Variants in RIPOR2 observed in about 807,000 individuals in gnomAD.
RIPOR2 encodes rho family-interacting cell polarization regulator 2.
RIPOR2 carries 39 observed loss-of-function variants against 114.5 expected under a neutral mutation model. The ratio of observed to expected loss-of-function variants is 0.34; its 90% CI spans 0.26 to 0.44. RIPOR2 has a LOEUF of 0.44. Among genes scored for constraint, RIPOR2 ranks in the 20% least tolerant of loss-of-function variants. The probability of loss-of-function intolerance (pLI) is 1.00; values close to 1 mark genes in which losing one functional copy is unlikely to be tolerated. For synonymous variants in RIPOR2, 445 were observed against 484.4 expected (o/e 0.92, Z 1.07); for missense variants, 1,007 against 1,255.1 (o/e 0.80, Z 2.99).
chr6:24,969,420 G>A (rs1040867892), intron 1 of RIPOR2, among the ~76,000 whole-genome samples: 2 of 152,166 alleles, frequency 1.3e-5, no homozygotes, highest in African/African-American at 4.8e-5. Context: ...AGGGAGCTGG[G>A]ATCTAAAACA....
At chr6:24,936,706 T>C (rs755417412), upstream of RIPOR2, among the ~76,000 whole-genome samples, 47 of 152,314 alleles carry the variant, frequency 3.1e-4, no homozygotes, top group Middle Eastern at 6.8e-3. Flanking sequence ...GCGAGCACCA[T>C]TGGCTGGCAT....
intron 1 of RIPOR2, among the ~76,000 whole-genome samples, chr6:24,935,351 C>T (rs986772604): frequency 4.3e-5 from 6 of 141,098 alleles, no homozygotes; most frequent in Non-Finnish European, 7.8e-5. Flanking sequence ...AGAGAAGGAC[C>T]GAGAGAAAGA....
chr6:24,964,642 G>C (rs389397), intron 1 of RIPOR2, among the ~76,000 whole-genome samples: 125,332 of 152,154 alleles, frequency 0.82, 54,377 homozygotes, highest in East Asian at 0.96. Context: ...GTTAATTTCT[G>C]TATCATAAGG....
chr6:25,027,076 A>G (rs1776659973), intron 1 of RIPOR2, among the ~76,000 whole-genome samples: 1 of 152,230 alleles, frequency 6.6e-6, no homozygotes, highest in African/African-American at 2.4e-5. Flanking sequence ...AGCTGTTCCA[A>G]TTTCCAAATA....
intron 1 of RIPOR2, among the ~76,000 whole-genome samples, chr6:24,951,141 C>G (rs1772731075): frequency 6.6e-6 from 1 of 152,148 alleles, no homozygotes; most frequent in Non-Finnish European, 1.5e-5. Context: ...AGAATGACAC[C>G]TGAGAGAGTA....
chr6:24,839,358 C>CT lies in RIPOR2; in HGVS notation c.1858-87dup, dbSNP rs138858451. ...ACGATGCTCAATTGGAGATGCCACA[C>CT]TTTTTTTTTTGTTTCAAGTTTTTAT... On this transcript the variant is annotated intron_variant, in intron 13 of 21. Coordinates refer to ENST00000643898, the MANE Select transcript of RIPOR2 (RefSeq NM_001286445.3). 9.9e-3 allele frequency: 12,358 copies of CT among 1,247,796 alleles called. 183 individuals carry two copies. The highest frequency in any genetic ancestry group is 0.09 in the African/African-American group (5,849 of 64,810). 77.3% of individuals were successfully genotyped at this position (1,247,796 alleles called of 1,614,324 possible).
At chr6:24,878,682 A>AG (rs778038648) in intron 1 of RIPOR2, among the ~76,000 whole-genome samples, 7 of 152,070 alleles carry the variant, frequency 4.6e-5, no homozygotes, top group Non-Finnish European at 1.0e-4. Context: ...GGGTATGGGG[A>AG]GGGTTGTAAA....
At chr6:24,845,097 C>T (rs116178479) in intron 12 of RIPOR2, among the ~76,000 whole-genome samples, 18 of 151,938 alleles carry the variant, frequency 1.2e-4, no homozygotes, top group East Asian at 5.8e-4. Context: ...AACCACAGGA[C>T]GAGTGAAATG....
chr6:25,020,507 C>T (rs925350777), intron 1 of RIPOR2, among the ~76,000 whole-genome samples: 1 of 152,304 alleles, frequency 6.6e-6, no homozygotes, highest in Admixed American at 6.5e-5. Context: ...AGAGCATCAA[C>T]ATAGATTAAG....
At chr6:24,830,405 C>T in intron 17 of RIPOR2, 104 bp downstream of exon 17, 1 of 880,676 alleles carries the variant, frequency 1.1e-6, no homozygotes, top group South Asian at 1.7e-5. Flanking sequence ...GTGTGTTTCC[C>T]ATCTGCAGGC....
rs868007632 is a variant in RIPOR2 at position 24,843,360 on chromosome 6, C to T, written c.1359G>A (p.Gln453=). ...AEFNLSSLAS[Q]NEGMDDTSSA... ...AGCTGGTGTCATCCATACCCTCATT[C>T]TGGGAGGCCAAGCTGCTGAGGTTAA... The change falls in exon 13 of 22, where the codon CAG becomes CAA. Residue 453 remains glutamine, a synonymous_variant. Transcript: ENST00000643898. 3 of 1,613,894 alleles carry T rather than the reference C, an allele frequency of 1.9e-6. No homozygotes were observed. The Middle Eastern group carries it at 5.0e-4, about 266-fold the overall frequency.
rs1761087560 is a variant in RIPOR2, at chr6:24,836,142, GA to G, written c.2040-272del. On this transcript the variant is annotated intron_variant, in intron 14 of 21. Transcript: ENST00000643898. ...ACCACTTATGAAGTAGTTTCACCCA[GA>G]AGTCTTTGAAACATGCCCTCATTTT... The G allele has an allele frequency of 1.2e-5, 5 of 407,220 alleles. No individual in the cohort carries two copies. The Admixed American group carries it at 1.8e-4, about 15-fold the overall frequency. The allele number at this position is 407,220 out of a possible 1,614,324, so 25.2% of individuals were successfully genotyped here. A position where few individuals can be genotyped will look rare whatever the true frequency, so the allele number is the denominator to read the frequency against.
chr6:24,945,409 G>C (rs1772355162), intron 1 of RIPOR2, among the ~76,000 whole-genome samples: 1 of 152,038 alleles, frequency 6.6e-6, no homozygotes, highest in Non-Finnish European at 1.5e-5. Flanking sequence ...GTAACTCAAA[G>C]CCATAAGAAA....
chr6:24,946,138 A>G (rs977102125), intron 1 of RIPOR2, among the ~76,000 whole-genome samples: 4 of 151,736 alleles, frequency 2.6e-5, no homozygotes, highest in African/African-American at 9.7e-5. Context: ...GCTGGAGTGC[A>G]GTAGCATGAT....
chr6:25,031,017 T>C (rs1354634740), intron 1 of RIPOR2: 1 of 152,244 alleles, frequency 6.6e-6, no homozygotes, highest in Non-Finnish European at 1.5e-5. Flanking sequence ...GCAATTGCAC[T>C]TGCCCAGGCT....
chr6:24,870,852 G>T lies in RIPOR2; in HGVS notation c.447+14C>A, dbSNP rs752724744. ...TTTTTCTTATTAGCACCCCAACACG[G>T]AATGGCAACTTACCTTGTCTAGGTC... On this transcript the variant is annotated intron_variant, in intron 5 of 21. Transcript: ENST00000643898. 2.5e-6 allele frequency: 4 copies of T among 1,600,870 alleles called. No individual in the cohort carries two copies. In the African/African-American group the frequency reaches 4.0e-5, roughly 16 times the overall value.
rs1270509272 is a variant in RIPOR2 at position 24,817,677 on chromosome 6, G to A, written c.2952+865C>T. Among the ~76,000 whole-genome samples the A allele has an allele frequency of 1.0e-3, 15 of 14,394 alleles. 6 individuals are homozygous for A. Among genetic ancestry groups the A allele is most frequent in the Admixed American group, 3.2e-3 (2 of 626 alleles). The allele number at this position is 14,394 out of a possible 152,430, so 9.4% of individuals were successfully genotyped here. ...ACGCTGGGAGCTGTAGACCGGAGCT[G>A]TTCCTATTCGGCCATCTTGGCTCCT... On this transcript the variant is annotated intron_variant, in intron 20 of 21. Transcript: ENST00000643898.
chr6:24,993,511 C>T (rs182497588), intron 1 of RIPOR2, among the ~76,000 whole-genome samples: 104 of 152,364 alleles, frequency 6.8e-4, no homozygotes, highest in Non-Finnish European at 1.2e-3. Context: ...AGACAGCATA[C>T]CATTGGGTCT....
chr6:25,038,329 G>A (rs926805273), intron 1 of RIPOR2, among the ~76,000 whole-genome samples: 1 of 152,224 alleles, frequency 6.6e-6, no homozygotes, highest in East Asian at 1.9e-4. Context: ...TGAACCTTGG[G>A]TATAAATATG....
Sources: allele counts gnomAD v4.1 joint callset (sites outside exome capture counted in the v4.1 genomes callset), GRCh38; gene constraint gnomAD v4.1.1; transcripts MANE v1.5; gene names NCBI Gene and HGNC (gene_info 2026-07-23, HGNC 2026-07-21).